KAZN: variants seen among roughly 807,000 people sequenced by gnomAD.
KAZN encodes kazrin.
In KAZN, 40 loss-of-function variants were observed where a neutral mutation model predicts 87.4. That is an observed-to-expected ratio of 0.46 (90% CI 0.36 to 0.60). KAZN has a LOEUF of 0.60. Ranked by LOEUF, KAZN falls within the 20% of genes least tolerant of loss-of-function variation. The pLI, the probability that KAZN is intolerant of heterozygous loss-of-function variation, is 0.00. For synonymous variants in KAZN, 466 were observed against 458.3 expected (o/e 1.02, Z -0.22); for missense variants, 898 against 1,073.9 (o/e 0.84, Z 2.29).
At chr1:14,869,083 C>G (rs1353244536) in intron 1 of KAZN, among the ~76,000 whole-genome samples, 1 of 152,138 alleles carries the variant, frequency 6.6e-6, no homozygotes, top group Non-Finnish European at 1.5e-5. Flanking sequence ...GGGATGTGTC[C>G]TAGTGAGAAC....
At chr1:14,370,960 G>A (rs1201816288) in intron 2 of KAZN, among the ~76,000 whole-genome samples, 1 of 152,146 alleles carries the variant, frequency 6.6e-6, no homozygotes, top group African/African-American at 2.4e-5. Context: ...GCTGAGATTA[G>A]GGGTGTGAAC....
chr1:14,548,951 G>T (rs1240963442), intron 2 of KAZN, among the ~76,000 whole-genome samples: 1 of 151,960 alleles, frequency 6.6e-6, no homozygotes, highest in East Asian at 1.9e-4. Flanking sequence ...TTTATGTTTT[G>T]GAATAATTTT....
At chr1:14,583,254 A>G (rs956649190) in intron 2 of KAZN, among the ~76,000 whole-genome samples, 3 of 152,212 alleles carry the variant, frequency 2.0e-5, no homozygotes, top group African/African-American at 7.2e-5. Flanking sequence ...CTAAGCTAGT[A>G]CACTATCCTG....
intron 1 of KAZN, among the ~76,000 whole-genome samples, chr1:14,823,637 A>C (rs1646799507): frequency 6.6e-6 from 1 of 152,168 alleles, no homozygotes; most frequent in South Asian, 2.1e-4. Context: ...GCTGTGCCAC[A>C]TAGGGAGACA....
chr1:14,284,057 C>G (rs1653051189), intron 2 of KAZN, among the ~76,000 whole-genome samples: 1 of 151,490 alleles, frequency 6.6e-6, no homozygotes, highest in African/African-American at 2.4e-5. Flanking sequence ...AACCAGAAAC[C>G]CATAGATAGA....
intron 2 of KAZN, among the ~76,000 whole-genome samples, chr1:14,361,749 G>C (rs989723153): frequency 1.3e-5 from 2 of 152,256 alleles, no homozygotes; most frequent in Admixed American, 6.5e-5. Context: ...AGATGAGCCA[G>C]GTACCTCAGT....
At chr1:15,000,237 G>A (rs1353861157) in intron 2 of KAZN, among the ~76,000 whole-genome samples, 2 of 149,814 alleles carry the variant, frequency 1.3e-5, no homozygotes, top group Admixed American at 6.6e-5. Context: ...GCCATGGGAT[G>A]CAGGCGGCCT....
intron 1 of KAZN, among the ~76,000 whole-genome samples, chr1:14,717,809 G>T (rs996308845): frequency 2.6e-5 from 4 of 152,270 alleles, no homozygotes; most frequent in African/African-American, 9.6e-5. Flanking sequence ...TCACAGCTGG[G>T]CTTGGCCAAA....
chr1:14,143,883 AT>A (rs1298849841), intron 1 of KAZN, among the ~76,000 whole-genome samples: 1 of 151,824 alleles, frequency 6.6e-6, no homozygotes, highest in East Asian at 1.9e-4. Context: ...ATGCCTGGCT[AT>A]TGTTTAAGTT....
chr1:14,979,050 G>A (rs918680368), intron 2 of KAZN, among the ~76,000 whole-genome samples: 21 of 151,766 alleles, frequency 1.4e-4, no homozygotes, highest in Admixed American at 4.6e-4. Flanking sequence ...GATTACAGGC[G>A]CCTGCCACCA....
upstream of KAZN, among the ~76,000 whole-genome samples, chr1:14,593,915 A>G (rs1481176717): frequency 6.6e-6 from 1 of 152,214 alleles, no homozygotes; most frequent in African/African-American, 2.4e-5. Context: ...CACGTGACAC[A>G]CATCAGTGGA....
intron 2 of KAZN, among the ~76,000 whole-genome samples, chr1:14,411,196 A>C (rs1234577224): frequency 6.6e-6 from 1 of 152,200 alleles, no homozygotes; most frequent in East Asian, 1.9e-4. Context: ...TCAAAACTTT[A>C]ATGTAGCCCA....
At chr1:14,375,078 A>T (rs1660790846) in intron 2 of KAZN, among the ~76,000 whole-genome samples, 1 of 152,216 alleles carries the variant, frequency 6.6e-6, no homozygotes, top group African/African-American at 2.4e-5. Flanking sequence ...AACAGCTTCC[A>T]GCCTTTTCCA....
chr1:14,243,411 T>A (rs1242440405), intron 2 of KAZN, among the ~76,000 whole-genome samples: 1 of 152,034 alleles, frequency 6.6e-6, no homozygotes, highest in South Asian at 2.1e-4. Flanking sequence ...AAGAGCAGAG[T>A]GATCTATTGT....
At chr1:14,466,878 A>C (rs539353149) in intron 2 of KAZN, among the ~76,000 whole-genome samples, 18 of 152,178 alleles carry the variant, frequency 1.2e-4, no homozygotes, top group Non-Finnish European at 2.2e-4. Flanking sequence ...CTGAGGCAGG[A>C]GAATGGCGTG....
intron 11 of KAZN, 136 bp from the exon 12 acceptor site, chr1:15,103,223 C>A (rs1641145655): frequency 6.3e-6 from 4 of 634,100 alleles, no homozygotes; most frequent in Non-Finnish European, 8.3e-6. Flanking sequence ...GCACAGATAG[C>A]ACCACTGCAC....
chr1:14,080,152 G>T (rs2101587062), intron 1 of KAZN, among the ~76,000 whole-genome samples: 1 of 152,338 alleles, frequency 6.6e-6, no homozygotes, highest in Admixed American at 6.5e-5. Flanking sequence ...TATAATGAAA[G>T]ACAGATTGAC....
chr1:14,728,581 G>T (rs1643528988), intron 1 of KAZN, among the ~76,000 whole-genome samples: 1 of 152,172 alleles, frequency 6.6e-6, no homozygotes, highest in African/African-American at 2.4e-5. Flanking sequence ...TTAGCAGCTT[G>T]TCCTCAGAGG....
chr1:14,372,340 T>C (rs1038731681), intron 2 of KAZN, among the ~76,000 whole-genome samples: 6 of 152,222 alleles, frequency 3.9e-5, no homozygotes, highest in Non-Finnish European at 8.8e-5. Flanking sequence ...TTTCTTGGAC[T>C]TTGAGTCATT....
Sources: allele counts gnomAD v4.1 joint callset (sites outside exome capture counted in the v4.1 genomes callset), GRCh38; gene constraint gnomAD v4.1.1; transcripts MANE v1.5; gene names NCBI Gene and HGNC (gene_info 2026-07-23, HGNC 2026-07-21).